Variants in TAF6L observed in about 807,000 individuals in gnomAD.
TAF6L encodes TAF6-like RNA polymerase II p300/CBP-associated factor-associated factor 65 kDa subunit 6L.
Under a neutral mutation model 57.3 loss-of-function variants are expected in TAF6L, and 34 were observed. That is an observed-to-expected ratio of 0.59 (90% CI 0.45 to 0.79). The LOEUF is 0.79. Ranked by LOEUF, TAF6L falls within the 30% of genes least tolerant of loss-of-function variation. The pLI is 0.00. For missense variants in TAF6L, 782 were observed against 853.2 expected (o/e 0.92, Z 1.04); for synonymous variants, 417 against 376.3 (o/e 1.11, Z -1.25).
chr11:62,771,691 C>G (rs2084148649), intron 1 of TAF6L: 1 of 194,102 alleles, frequency 5.2e-6, no homozygotes, highest in South Asian at 7.5e-5. Flanking sequence ...TGCGCGTTGC[C>G]GAGGCCCGGC....
rs1189121206 is a variant in TAF6L, at chr11:62,786,972, G to T, written c.1545G>T (p.Gly515=). The part of the protein sequence containing the change: ...SGGGGPASAS[G]PAASESRPLP... ...GAGGCGGCCCCGCGTCGGCCTCTGG[G>T]CCCGCCGCCTCTGAGAGCAGGCCCT... The change falls in exon 11 of 11, where the codon GGG becomes GGT. Residue 515 remains glycine, a synonymous_variant. Transcript: ENST00000294168. The T allele has an allele frequency of 1.4e-6, 2 of 1,447,438 alleles. No homozygotes were observed. The highest frequency in any genetic ancestry group is 1.8e-6 in the Non-Finnish European group (2 of 1,111,900). 89.7% of individuals were successfully genotyped at this position (1,447,438 alleles called of 1,614,324 possible).
chr11:62,776,582 G>T, intron 3 of TAF6L, 112 bp downstream of exon 3: 1 of 1,051,530 alleles, frequency 9.5e-7, no homozygotes, highest in Non-Finnish European at 1.4e-6. Flanking sequence ...CGGGCATGGT[G>T]GCTCATGCCT....
chr11:62,784,253 G>A (rs1431938047), intron 9 of TAF6L, among the ~76,000 whole-genome samples: 1 of 150,376 alleles, frequency 6.6e-6, no homozygotes, highest in African/African-American at 2.4e-5. Flanking sequence ...TTCCCAAAGT[G>A]CTGGGATTAC....
intron 9 of TAF6L, 81 bp from the exon 10 acceptor site, chr11:62,786,179 G>T: frequency 6.6e-7 from 1 of 1,522,958 alleles, no homozygotes; most frequent in African/African-American, 1.4e-5. Flanking sequence ...AGAGATAAAG[G>T]TAGGTCTTTC....
chr11:62,775,892 G>T lies in TAF6L; in HGVS notation c.109G>T (p.Ala37Ser), dbSNP rs184180615. 1.9e-6 allele frequency: 3 copies of T among 1,613,814 alleles called. No individual in the cohort carries two copies. The highest frequency in any genetic ancestry group is 2.5e-6 in the Non-Finnish European group (3 of 1,179,888). The part of the protein sequence containing the change: ...ELSDEVAALL[A>S]EDVCYRLREA... The stretch of plus-strand genomic sequence containing the variant: ...GAGCGATGAGGTGGCGGCGCTGCTC[G>T]CAGAGGACGTGTGCTATCGTCTGAG... Residue 37 changes from alanine to serine, a missense_variant, in exon 2 of 11, where the codon GCA (alanine) becomes TCA (serine). Physicochemically the swap from Ala to Ser is moderately conservative, Grantham distance 99 (BLOSUM62 1). Coordinates refer to ENST00000294168, the MANE Select transcript of TAF6L (RefSeq NM_006473.4).
chr11:62,787,014 G>T lies in TAF6L; in HGVS notation c.1587G>T (p.Arg529=). Residue 529 remains arginine, a synonymous_variant, in exon 11 of 11, where the codon CGG becomes CGT. Transcript: ENST00000294168. ...GCAGGCCCTTGCCGCGCGTGCATCGGGCGCGCGGGGCACCCCGGCAGCAGG... is the reference window on the plus strand; with the variant it reads ...GCAGGCCCTTGCCGCGCGTGCATCGTGCGCGCGGGGCACCCCGGCAGCAGG... The part of the protein sequence containing the change: ...SESRPLPRVH[R]ARGAPRQQGP... 6.7e-7 allele frequency: 1 copy of T among 1,489,892 alleles called. No homozygotes were observed. The highest frequency in any genetic ancestry group is 2.2e-5 in the Admixed American group (1 of 44,546). 92.3% of individuals were successfully genotyped at this position (1,489,892 alleles called of 1,614,324 possible).
At chr11:62,785,516 G>C (rs2084265175) in intron 9 of TAF6L, among the ~76,000 whole-genome samples, 1 of 146,846 alleles carries the variant, frequency 6.8e-6, no homozygotes, top group Non-Finnish European at 1.5e-5. Context: ...AGGCCCAGCT[G>C]GTATTTTCCT....
At chr11:62,775,638 C>G (rs576846757) in intron 1 of TAF6L, 133 bp from the exon 2 acceptor site, 1 of 933,366 alleles carries the variant, frequency 1.1e-6, no homozygotes, top group Non-Finnish European at 1.6e-6. Flanking sequence ...CTTTCCTCAT[C>G]TGGGTACTCA....
chr11:62,786,586 A>AG lies in TAF6L; in HGVS notation c.1164dup (p.Cys389ValfsTer62). 4 of 1,575,570 alleles carry AG rather than the reference A, an allele frequency of 2.5e-6. No homozygotes were observed. The highest frequency in any genetic ancestry group is 2.2e-5 in the East Asian group (1 of 44,642). ...GCCCAACAGGGGTGGCCCAGGTGGC[A>AG]GGGGGTGCCGGCGCCTGGACGACCT... On this transcript the variant is annotated frameshift_variant, in exon 11 of 11. Transcript: ENST00000294168. LOFTEE classifies it high-confidence loss of function.
chr11:62,776,278 G>A (rs1311717425), intron 2 of TAF6L, 106 bp from the exon 3 acceptor site: 13 of 1,110,958 alleles, frequency 1.2e-5, no homozygotes, highest in African/African-American at 1.5e-5. Flanking sequence ...ATCCCTAAGC[G>A]TGGTCTCCTG....
chr11:62,779,258 G>A (rs978697560), intron 6 of TAF6L, among the ~76,000 whole-genome samples: 4 of 152,188 alleles, frequency 2.6e-5, no homozygotes, highest in South Asian at 2.1e-4. Flanking sequence ...GCAGTGGCGC[G>A]ATCTCGGCTC....
rs1050120201 is a variant in TAF6L, at chr11:62,782,181, T to C, written c.675T>C (p.Arg225=). The change falls in exon 8 of 11, where the codon CGT becomes CGC. Residue 225 remains arginine (R), a synonymous_variant. Transcript: ENST00000294168. ...RLLQVARSLF[R]NPHLCLGPYV... is the part of the protein sequence containing the mutation. ...TGCAGGTGGCACGGAGCCTATTTCG[T>C]AATCCGCACCTGTGCTTGGGGCCCT... The C allele has an allele frequency of 1.2e-6, 2 of 1,613,976 alleles. No individual in the cohort carries two copies. The highest frequency in any genetic ancestry group is 2.7e-5 in the African/African-American group (2 of 74,918).
At chr11:62,784,763 C>G (rs2084258044) in intron 9 of TAF6L, among the ~76,000 whole-genome samples, 1 of 152,136 alleles carries the variant, frequency 6.6e-6, no homozygotes, top group Non-Finnish European at 1.5e-5. Context: ...ATACACTAAA[C>G]TATGTCATGG....
At chr11:62,783,854 A>G (rs982882605) in intron 9 of TAF6L, among the ~76,000 whole-genome samples, 5 of 150,674 alleles carry the variant, frequency 3.3e-5, no homozygotes, top group African/African-American at 1.2e-4. Flanking sequence ...TTAATATGAC[A>G]AGTTCTATTC....
At chr11:62,776,073 C>A in intron 2 of TAF6L, 143 bp downstream of exon 2, 1 of 1,170,250 alleles carries the variant, frequency 8.5e-7, no homozygotes. Context: ...CAGAACTCTA[C>A]TTGTAGCTGT....
Position 62,782,833 on chromosome 11 carries a change from C to T in TAF6L, c.960+8C>T, listed in dbSNP as rs774095826. 6.2e-6 allele frequency: 10 copies of T among 1,613,372 alleles called. No homozygotes were observed. In the East Asian group the frequency reaches 8.9e-5, roughly 14 times the overall value. ...CATGCTCTTGGCTGGAAGGTGAGCA[C>T]CCTGGCCTTTCTCACACAGCCGTAA... On this transcript the variant is annotated splice_region_variant and intron_variant, in intron 9 of 10. Transcript: ENST00000294168.
In TAF6L at chr11:62,786,331, T is replaced by C. The variant is rs374737675; in HGVS notation, c.1032T>C (p.Tyr344=). Residue 344 remains tyrosine (Y), a synonymous_variant, in exon 10 of 11, where the codon TAT becomes TAC. Transcript: ENST00000294168. ...ACTTGCAGGCTGTGCTGGATGATTA[T>C]TCAGTATCTAATGCCCAGGTCAAAG... is the stretch of plus-strand genomic sequence containing the variant. ...WTNLQAVLDD[Y]SVSNAQVKAD... is the part of the protein sequence containing the mutation. The C allele has an allele frequency of 2.8e-4, 449 of 1,614,214 alleles. 1 individual carries two copies. Among genetic ancestry groups the C allele is most frequent in the Non-Finnish European group, 3.5e-4 (408 of 1,180,028 alleles).
At position 62,785,538 on chromosome 11, in the gene TAF6L, C is replaced by CT. The variant is rs1205888751; in HGVS notation, c.961-708dup. Reference sequence around the variant, plus strand: ...GCTGGTATTTTCCTTATAGTTAATTCTTTTTTTTTTTTTTGAGACGGAGTC... The same window carrying CT: ...GCTGGTATTTTCCTTATAGTTAATTCTTTTTTTTTTTTTTTGAGACGGAGTC... On this transcript the variant is annotated intron_variant, in intron 9 of 10. Transcript: ENST00000294168. Among the ~76,000 whole-genome samples the CT allele has an allele frequency of 8.9e-3, 1,211 of 136,394 alleles. 15 individuals carry two copies. Among genetic ancestry groups the CT allele is most frequent in the Admixed American group, 0.022 (289 of 13,326 alleles). The allele number at this position is 136,394 out of a possible 152,430, so 89.5% of individuals were successfully genotyped here.
chr11:62,787,025 C>A lies in TAF6L; in HGVS notation c.1598C>A (p.Ala533Glu). The part of the protein sequence containing the change: ...PLPRVHRARG[A>E]PRQQGPGTGT... ...CCGCGCGTGCATCGGGCGCGCGGGG[C>A]ACCCCGGCAGCAGGGCCCCGGGACC... Residue 533 changes from alanine to glutamate, a missense_variant, in exon 11 of 11, where the codon GCA becomes GAA. Around this residue, in one of 3 missense-constraint regions of TAF6L, gnomAD observed 483 missense variants for 445.1 expected, o/e 1.09. Coordinates refer to ENST00000294168, the MANE Select transcript of TAF6L (RefSeq NM_006473.4). The A allele has an allele frequency of 4.0e-6, 6 of 1,499,968 alleles. No individual in the cohort carries two copies. Among genetic ancestry groups the A allele is most frequent in the Non-Finnish European group, 4.4e-6 (5 of 1,133,092 alleles). The allele number at this position is 1,499,968 out of a possible 1,614,324, so 92.9% of individuals were successfully genotyped here.
Sources: allele counts gnomAD v4.1 joint callset (sites outside exome capture counted in the v4.1 genomes callset), GRCh38; gene constraint gnomAD v4.1.1; regional missense constraint gnomAD v4.1.1; transcripts MANE v1.5; gene names NCBI Gene and HGNC (gene_info 2026-07-23, HGNC 2026-07-21).